The following RBFOX1 variants were observed in gnomAD, a reference collection of about 807,000 sequenced individuals.
RBFOX1 encodes RNA binding protein fox-1 homolog 1.
Under a neutral mutation model 57.7 loss-of-function variants are expected in RBFOX1, and 8 were observed. That is an observed-to-expected ratio of 0.14 (90% CI 0.08 to 0.25). The LOEUF is 0.25. Among genes scored for constraint, RBFOX1 ranks in the 10% least tolerant of loss-of-function variants. The pLI, the probability that RBFOX1 is intolerant of heterozygous loss-of-function variation, is 1.00. For missense variants in RBFOX1, 611 were observed against 548.5 expected, an observed-to-expected ratio of 1.11 and a Z score of -1.14; for synonymous variants, 326 against 222.4, an observed-to-expected ratio of 1.47 and a Z score of -4.15.
chr16:7,535,882 A>G (rs774256564), intron 5 of RBFOX1, among the ~76,000 whole-genome samples: 4 of 152,244 alleles, frequency 2.6e-5, no homozygotes, highest in Non-Finnish European at 4.4e-5. Flanking sequence ...TAGATACTCA[A>G]TAATTGTGTA....
intron 4 of RBFOX1, among the ~76,000 whole-genome samples, chr16:5,968,927 A>G (rs958418889): frequency 6.6e-6 from 1 of 152,238 alleles, no homozygotes; most frequent in Non-Finnish European, 1.5e-5. Flanking sequence ...ACACATCATA[A>G]AATTCACCTT....
At chr16:7,453,619 C>T (rs1014423541) in intron 4 of RBFOX1, among the ~76,000 whole-genome samples, 4 of 152,094 alleles carry the variant, frequency 2.6e-5, no homozygotes, top group Admixed American at 6.6e-5. Context: ...TAGTTTCATA[C>T]ACATGTTAAA....
intron 3 of RBFOX1, among the ~76,000 whole-genome samples, chr16:6,988,731 A>ATTTTTTTTTTTTTT (rs111959126): frequency 1.1e-5 from 1 of 91,318 alleles, no homozygotes; most frequent in African/African-American, 5.3e-5. Flanking sequence ...CACCCAGCTA[A>ATTTTTTTTTTTTTT]TTTTTTTTTT....
chr16:6,680,043 T>C (rs2058390114), intron 3 of RBFOX1, among the ~76,000 whole-genome samples: 1 of 152,072 alleles, frequency 6.6e-6, no homozygotes, highest in African/African-American at 2.4e-5. Context: ...AGTTCTGCTG[T>C]TTCATAACAG....
intron 4 of RBFOX1, among the ~76,000 whole-genome samples, chr16:5,940,758 C>G (rs545777470): frequency 6.6e-6 from 1 of 152,196 alleles, no homozygotes; most frequent in East Asian, 1.9e-4. Flanking sequence ...GAAATAAATT[C>G]TTTGCTGAGG....
At chr16:6,987,205 A>G (rs1389848642) in intron 3 of RBFOX1, among the ~76,000 whole-genome samples, 1 of 152,156 alleles carries the variant, frequency 6.6e-6, no homozygotes, top group Non-Finnish European at 1.5e-5. Flanking sequence ...TTGATTACCC[A>G]TAATAACAAG....
At chr16:6,372,356 T>G (rs1475917784) in intron 2 of RBFOX1, among the ~76,000 whole-genome samples, 1 of 147,672 alleles carries the variant, frequency 6.8e-6, no homozygotes, top group Non-Finnish European at 1.5e-5. Context: ...TATAGTCGGA[T>G]GGAAGGATGG....
intron 4 of RBFOX1, among the ~76,000 whole-genome samples, chr16:7,264,122 T>G (rs952738735): frequency 2.6e-5 from 4 of 152,042 alleles, no homozygotes; most frequent in African/African-American, 9.7e-5. Flanking sequence ...ACTACCCTCT[T>G]TGTAGCAAAG....
chr16:7,208,612 G>C (rs953999787), intron 4 of RBFOX1, among the ~76,000 whole-genome samples: 3 of 152,172 alleles, frequency 2.0e-5, no homozygotes, highest in Non-Finnish European at 4.4e-5. Context: ...GTGGTGGGAA[G>C]TTTGCTTCAG....
chr16:5,491,497 C>T (rs1431325533), intron 2 of RBFOX1, among the ~76,000 whole-genome samples: 1 of 152,090 alleles, frequency 6.6e-6, no homozygotes, highest in Admixed American at 6.5e-5. Context: ...TTGTAATAGC[C>T]CCAAATGTCC....
intron 3 of RBFOX1, among the ~76,000 whole-genome samples, chr16:5,796,649 T>C (rs559131976): frequency 3.3e-5 from 5 of 152,320 alleles, no homozygotes; most frequent in East Asian, 1.9e-4. Flanking sequence ...GCTGACTGTT[T>C]ACTTGTCAAT....
intron 3 of RBFOX1, among the ~76,000 whole-genome samples, chr16:5,847,153 G>A (rs2056777259): frequency 6.6e-6 from 1 of 152,210 alleles, no homozygotes; most frequent in Non-Finnish European, 1.5e-5. Context: ...ATTGAATTTG[G>A]TGACTCCAGG....
chr16:6,448,242 C>T (rs2094526977), intron 2 of RBFOX1, among the ~76,000 whole-genome samples: 1 of 134,232 alleles, frequency 7.4e-6, no homozygotes, highest in Non-Finnish European at 1.5e-5. Flanking sequence ...TCACTGCAAT[C>T]TCCCCCTCCT....
chr16:6,723,582 G>A (rs1191785892), intron 3 of RBFOX1, among the ~76,000 whole-genome samples: 1 of 152,164 alleles, frequency 6.6e-6, no homozygotes, highest in East Asian at 1.9e-4. Context: ...GAAGTGGATG[G>A]CAGTAGGGGA....
At chr16:7,238,447 A>T (rs572280687) in intron 4 of RBFOX1, among the ~76,000 whole-genome samples, 1 of 152,262 alleles carries the variant, frequency 6.6e-6, no homozygotes, top group Non-Finnish European at 1.5e-5. Flanking sequence ...GCTTCCACAG[A>T]GCCTTTGCAT....
At chr16:7,175,830 T>C (rs1014084170) in intron 4 of RBFOX1, among the ~76,000 whole-genome samples, 1 of 152,218 alleles carries the variant, frequency 6.6e-6, no homozygotes, top group African/African-American at 2.4e-5. Flanking sequence ...TGCAGTAATC[T>C]AGGAAAAGGT....
At chr16:6,588,806 C>G (rs561227492) in intron 2 of RBFOX1, among the ~76,000 whole-genome samples, 1 of 152,302 alleles carries the variant, frequency 6.6e-6, no homozygotes, top group South Asian at 2.1e-4. Context: ...AACTTCAGCA[C>G]TTTGTGGAGA....
chr16:6,113,806 C>G (rs954370939), intron 1 of RBFOX1, among the ~76,000 whole-genome samples: 1 of 152,212 alleles, frequency 6.6e-6, no homozygotes, highest in Non-Finnish European at 1.5e-5. Flanking sequence ...AGGCGTCAGA[C>G]AGGCCGTGGT....
At chr16:6,992,043 C>T (rs1401650201) in intron 3 of RBFOX1, among the ~76,000 whole-genome samples, 1 of 152,138 alleles carries the variant, frequency 6.6e-6, no homozygotes, top group Admixed American at 6.5e-5. Context: ...AGAGTGTGGT[C>T]CACCTCTAGA....
Sources: gnomAD v4.1 joint callset for allele counts (sites outside exome capture counted in the v4.1 genomes callset) on GRCh38, gnomAD v4.1.1 for gene constraint, MANE v1.5 for transcripts, NCBI Gene and HGNC (gene_info 2026-07-23, HGNC 2026-07-21) for gene names.